PTPRR: variants seen among roughly 807,000 people sequenced by gnomAD.
PTPRR encodes the protein protein tyrosine phosphatase receptor type R.
In PTPRR, 38 loss-of-function variants were observed where a neutral mutation model predicts 77.2. The ratio of observed to expected loss-of-function variants is 0.49; its 90% CI spans 0.38 to 0.65. PTPRR has a LOEUF of 0.65. PTPRR is among the 30% of genes least tolerant of loss of function. The pLI is 0.00. For missense variants in PTPRR, 744 were observed against 799.2 expected (o/e 0.93, Z 0.83); for synonymous variants, 299 against 283.1 (o/e 1.06, Z -0.57).
At chr12:70,792,390 G>T (rs1259289796) in intron 2 of PTPRR, among the ~76,000 whole-genome samples, 1 of 152,132 alleles carries the variant, frequency 6.6e-6, no homozygotes, top group Non-Finnish European at 1.5e-5. Context: ...ACTATGTCAT[G>T]TGGCTACTCT....
At chr12:70,887,438 C>T (rs1423195960) in intron 2 of PTPRR, among the ~76,000 whole-genome samples, 6 of 125,670 alleles carry the variant, frequency 4.8e-5, no homozygotes, top group East Asian at 2.3e-4. Flanking sequence ...GGCAACAGAG[C>T]GAGACTCTTT....
At chr12:70,915,490 CTAGTG>C (rs1486738882) in intron 1 of PTPRR, among the ~76,000 whole-genome samples, 1 of 152,146 alleles carries the variant, frequency 6.6e-6, no homozygotes, top group African/African-American at 2.4e-5. Context: ...TCAGTTTTTT[CTAGTG>C]TATTAGACTC....
At chr12:70,842,683 C>T (rs1416240506) in intron 2 of PTPRR, among the ~76,000 whole-genome samples, 1 of 152,202 alleles carries the variant, frequency 6.6e-6, no homozygotes, top group Non-Finnish European at 1.5e-5. Context: ...CTCTTAGAAA[C>T]ACACTTGTCA....
At chr12:70,672,900 C>T (rs1041818005) in intron 10 of PTPRR, 1 of 1,545,112 alleles carries the variant, frequency 6.5e-7, no homozygotes, top group East Asian at 2.6e-5. Context: ...ATGGGGGCAT[C>T]TGCTCCCACT....
At chr12:70,654,716 T>C (rs1566045631) in intron 13 of PTPRR, among the ~76,000 whole-genome samples, 1 of 152,248 alleles carries the variant, frequency 6.6e-6, no homozygotes, top group Non-Finnish European at 1.5e-5. Flanking sequence ...TGCTAGCATA[T>C]AAATTCTAAG....
intron 2 of PTPRR, among the ~76,000 whole-genome samples, chr12:70,867,350 T>C (rs891470444): frequency 2.5e-3 from 374 of 151,430 alleles, no homozygotes; most frequent in African/African-American, 8.5e-3. Flanking sequence ...AGTCTCAGGA[T>C]ACAAAATCAA....
intron 2 of PTPRR, among the ~76,000 whole-genome samples, chr12:70,880,201 A>G (rs1893124862): frequency 6.6e-6 from 1 of 152,188 alleles, no homozygotes; most frequent in African/African-American, 2.4e-5. Flanking sequence ...AATGCTTTCA[A>G]TACCTTATGT....
At chr12:70,662,840 C>T (rs1321720358) in intron 10 of PTPRR, among the ~76,000 whole-genome samples, 1 of 150,350 alleles carries the variant, frequency 6.7e-6, no homozygotes, top group African/African-American at 2.4e-5. Flanking sequence ...TTCATATGTG[C>T]CTATTAAACA....
intron 6 of PTPRR, among the ~76,000 whole-genome samples, chr12:70,723,524 G>A (rs1051587674): frequency 4.6e-5 from 7 of 152,062 alleles, no homozygotes; most frequent in East Asian, 1.9e-4. Flanking sequence ...GCATTATAGC[G>A]ACTTGGTTTT....
At chr12:70,788,818 G>A in intron 2 of PTPRR, 1 of 1,518,524 alleles carries the variant, frequency 6.6e-7, no homozygotes, top group Non-Finnish European at 8.8e-7. Flanking sequence ...TATCTCACCT[G>A]TTTGGAAATT....
chr12:70,674,220 C>T (rs920441418), intron 10 of PTPRR, among the ~76,000 whole-genome samples: 1 of 152,178 alleles, frequency 6.6e-6, no homozygotes, highest in African/African-American at 2.4e-5. Flanking sequence ...CAGAAATGAG[C>T]CACCATGCCT....
chr12:70,878,693 C>T (rs1199711192), intron 2 of PTPRR, among the ~76,000 whole-genome samples: 17 of 152,102 alleles, frequency 1.1e-4, no homozygotes, highest in East Asian at 7.7e-4. Context: ...GACAGTGTGG[C>T]GATTCCTCAA....
chr12:70,796,706 T>TA (rs11344346), intron 2 of PTPRR, among the ~76,000 whole-genome samples: 8 of 151,724 alleles, frequency 5.3e-5, no homozygotes, highest in African/African-American at 1.7e-4. Context: ...ATATGTATAT[T>TA]AAAAAAAAAT....
chr12:70,726,367 C>T (rs1889435865), intron 6 of PTPRR, among the ~76,000 whole-genome samples: 1 of 152,020 alleles, frequency 6.6e-6, no homozygotes, highest in Non-Finnish European at 1.5e-5. Context: ...ATATTTATTG[C>T]ACACCTCTCA....
At chr12:70,650,653 C>G (rs1475633241) in intron 13 of PTPRR, among the ~76,000 whole-genome samples, 1 of 152,118 alleles carries the variant, frequency 6.6e-6, no homozygotes, top group East Asian at 1.9e-4. Flanking sequence ...CTGATTCATG[C>G]TCAGTAGCAG....
intron 2 of PTPRR, among the ~76,000 whole-genome samples, chr12:70,867,362 G>A (rs1007799897): frequency 3.5e-4 from 53 of 151,560 alleles, no homozygotes; most frequent in African/African-American, 1.3e-3. Context: ...CAAAATCAAT[G>A]TACAAAAATC....
At chr12:70,803,041 G>C (rs1411642684) in intron 2 of PTPRR, among the ~76,000 whole-genome samples, 1 of 152,116 alleles carries the variant, frequency 6.6e-6, no homozygotes, top group Admixed American at 6.5e-5. Context: ...ATTTGATAAG[G>C]CTATCTGTTA....
At chr12:70,836,632 C>A (rs1892309443) in intron 2 of PTPRR, among the ~76,000 whole-genome samples, 1 of 151,972 alleles carries the variant, frequency 6.6e-6, no homozygotes, top group South Asian at 2.1e-4. Context: ...GTGCATGCTC[C>A]TTGCTGCCTC....
At chr12:70,761,849 G>A (rs891868899) in intron 3 of PTPRR, among the ~76,000 whole-genome samples, 6 of 152,080 alleles carry the variant, frequency 3.9e-5, no homozygotes. Flanking sequence ...CACCCCCCAA[G>A]ATTTGTAATT....
Sources: gnomAD v4.1 joint callset for allele counts (sites outside exome capture counted in the v4.1 genomes callset) on GRCh38, gnomAD v4.1.1 for gene constraint, MANE v1.5 for transcripts, NCBI Gene and HGNC (gene_info 2026-07-23, HGNC 2026-07-21) for gene names.